The following CDK14 variants were observed in gnomAD, a reference collection of about 807,000 sequenced individuals.
CDK14 encodes cyclin-dependent kinase 14.
CDK14 carries 34 observed loss-of-function variants against 60.7 expected under a neutral mutation model. The ratio of observed to expected loss-of-function variants is 0.56; its 90% CI spans 0.43 to 0.75. The LOEUF (loss-of-function observed/expected upper bound fraction) is 0.75. Ranked by LOEUF, CDK14 falls within the 30% of genes least tolerant of loss-of-function variation. The probability of loss-of-function intolerance (pLI) is 0.00; values close to 1 mark genes in which losing one functional copy is unlikely to be tolerated. For missense variants in CDK14, 482 were observed against 564.1 expected, an observed-to-expected ratio of 0.85 and a Z score of 1.47; for synonymous variants, 197 against 203.7, an observed-to-expected ratio of 0.97 and a Z score of 0.28.
intron 2 of CDK14, among the ~76,000 whole-genome samples, chr7:90,611,348 A>G (rs1799534438): frequency 6.6e-6 from 1 of 152,130 alleles, no homozygotes; most frequent in Admixed American, 6.5e-5. Context: ...CAGATGTCCA[A>G]CTGCCCACTA....
rs1803009742 is a variant in CDK14 at position 91,209,668 on chromosome 7, G to A, written c.*2532G>A. 1 of 152,528 alleles carries A rather than the reference G, an allele frequency of 6.6e-6. No individual in the cohort carries two copies. Among genetic ancestry groups the A allele is most frequent in the Admixed American group, 6.6e-5 (1 of 15,266 alleles). 9.4% of individuals were successfully genotyped at this position (152,528 alleles called of 1,614,324 possible). On this transcript the variant is annotated 3_prime_UTR_variant, in exon 15 of 15. Coordinates refer to ENST00000380050, the MANE Select transcript of CDK14 (RefSeq NM_001287135.2). Reference sequence around the variant, plus strand: ...TGGTAAGAATAGTACAAACACCTTAGCACATCACTGCACACACAGTATTCT... The same window carrying A: ...TGGTAAGAATAGTACAAACACCTTAACACATCACTGCACACACAGTATTCT...
chr7:90,619,381 C>T (rs1325792832), intron 2 of CDK14, among the ~76,000 whole-genome samples: 1 of 152,106 alleles, frequency 6.6e-6, no homozygotes, highest in Non-Finnish European at 1.5e-5. Context: ...AGCCTGAAAA[C>T]TCAAAGATTA....
chr7:90,838,259 T>C (rs1018259175), intron 5 of CDK14, among the ~76,000 whole-genome samples: 4 of 152,246 alleles, frequency 2.6e-5, no homozygotes, highest in Admixed American at 6.5e-5. Flanking sequence ...ATTAATACTT[T>C]TATAATTTCC....
chr7:90,682,962 C>T (rs1407702718), intron 2 of CDK14, among the ~76,000 whole-genome samples: 2 of 152,146 alleles, frequency 1.3e-5, no homozygotes, highest in African/African-American at 4.8e-5. Flanking sequence ...CGTCCATCTG[C>T]TTCTCAGTTT....
At chr7:90,797,157 G>T (rs1235481536) in intron 5 of CDK14, among the ~76,000 whole-genome samples, 2 of 151,802 alleles carry the variant, frequency 1.3e-5, no homozygotes, top group Non-Finnish European at 2.9e-5. Flanking sequence ...ACCACAGCCT[G>T]GGTAGCTTAA....
chr7:91,024,097 A>C (rs543610313), intron 10 of CDK14, among the ~76,000 whole-genome samples: 2 of 147,986 alleles, frequency 1.4e-5, no homozygotes, highest in East Asian at 3.9e-4. Context: ...AAAGAAGCTA[A>C]GCAACCCATC....
intron 2 of CDK14, among the ~76,000 whole-genome samples, chr7:90,695,463 A>T (rs1294067224): frequency 6.6e-6 from 1 of 152,188 alleles, no homozygotes; most frequent in Non-Finnish European, 1.5e-5. Context: ...CTGAGCGTCT[A>T]CTATTTACCA....
intron 2 of CDK14, among the ~76,000 whole-genome samples, chr7:90,713,455 C>T (rs564397313): frequency 1.3e-4 from 19 of 146,692 alleles, no homozygotes; most frequent in African/African-American, 4.5e-4. Flanking sequence ...AACTGTTTTT[C>T]TGTCCTCCTA....
chr7:90,939,509 C>T (rs886485964), intron 8 of CDK14, among the ~76,000 whole-genome samples: 1 of 152,184 alleles, frequency 6.6e-6, no homozygotes, highest in African/African-American at 2.4e-5. Context: ...TCAAACTTAT[C>T]AAAATCTGTC....
chr7:90,726,874 A>G (rs547262566), intron 3 of CDK14, 62 bp downstream of exon 3: 1 of 1,571,792 alleles, frequency 6.4e-7, no homozygotes, highest in Non-Finnish European at 8.7e-7. Flanking sequence ...TTATGATAGC[A>G]TGCGGTGCTG....
chr7:90,664,169 C>T (rs1800923539), intron 2 of CDK14, among the ~76,000 whole-genome samples: 1 of 152,090 alleles, frequency 6.6e-6, no homozygotes, highest in African/African-American at 2.4e-5. Context: ...ATTTATGCAG[C>T]CAAAAAACAC....
At chr7:90,873,419 A>T (rs1157073112) in intron 6 of CDK14, among the ~76,000 whole-genome samples, 1 of 152,234 alleles carries the variant, frequency 6.6e-6, no homozygotes, top group East Asian at 1.9e-4. Context: ...TTTTTAAAGT[A>T]AGTTAGTAAA....
At chr7:91,013,654 C>G (rs1395866372) in intron 10 of CDK14, among the ~76,000 whole-genome samples, 7 of 109,836 alleles carry the variant, frequency 6.4e-5, no homozygotes, top group Admixed American at 2.8e-4. Context: ...CTCATTGCCT[C>G]TGTTTTTTTT....
chr7:91,079,904 T>C (rs1369340981), intron 12 of CDK14, among the ~76,000 whole-genome samples: 1 of 152,228 alleles, frequency 6.6e-6, no homozygotes, highest in Non-Finnish European at 1.5e-5. Context: ...TTACGCCTTA[T>C]TGGGAAGCTA....
At chr7:90,637,615 A>G (rs1800185916) in intron 2 of CDK14, among the ~76,000 whole-genome samples, 1 of 151,840 alleles carries the variant, frequency 6.6e-6, no homozygotes, top group South Asian at 2.1e-4. Flanking sequence ...TATTCTGTTG[A>G]TTTGGGGTGG....
At chr7:90,807,438 A>G (rs573169907) in intron 5 of CDK14, among the ~76,000 whole-genome samples, 1 of 152,340 alleles carries the variant, frequency 6.6e-6, no homozygotes, top group Non-Finnish European at 1.5e-5. Flanking sequence ...ACAAACAGAA[A>G]GGACATCCAC....
chr7:91,141,530 A>G (rs1428348703), intron 14 of CDK14, among the ~76,000 whole-genome samples: 1 of 152,206 alleles, frequency 6.6e-6, no homozygotes, highest in Non-Finnish European at 1.5e-5. Flanking sequence ...TGATGGGATA[A>G]ACAAAGATTC....
chr7:90,899,052 A>G (rs1792420886), intron 6 of CDK14, among the ~76,000 whole-genome samples: 1 of 151,904 alleles, frequency 6.6e-6, no homozygotes, highest in African/African-American at 2.4e-5. Context: ...ATGGACATGT[A>G]TTCTTTTTAA....
intron 14 of CDK14, among the ~76,000 whole-genome samples, chr7:91,137,107 A>G (rs1800303446): frequency 6.6e-6 from 1 of 152,190 alleles, no homozygotes; most frequent in South Asian, 2.1e-4. Context: ...TTCTAAATTT[A>G]TAACTGTGGA....
Sources: gnomAD v4.1 joint callset for allele counts (sites outside exome capture counted in the v4.1 genomes callset) on GRCh38, gnomAD v4.1.1 for gene constraint, MANE v1.5 for transcripts, NCBI Gene and HGNC (gene_info 2026-07-23, HGNC 2026-07-21) for gene names.